VPS53: variants seen among roughly 807,000 people sequenced by gnomAD.
VPS53 encodes the protein VPS53 subunit of GARP complex.
In VPS53, 70 loss-of-function variants were observed where a neutral mutation model predicts 107.0. The observed-to-expected ratio is 0.65, with a 90% CI of 0.54 to 0.80. The LOEUF is 0.80. Ranked by LOEUF, VPS53 falls within the 30% of genes least tolerant of loss-of-function variation. VPS53 has a pLI of 0.00. For synonymous variants in VPS53, 409 were observed against 393.3 expected, an observed-to-expected ratio of 1.04 and a Z score of -0.47; for missense variants, 917 against 1,049.4, an observed-to-expected ratio of 0.87 and a Z score of 1.74.
At chr17:701,876 A>G (rs889055231) in intron 2 of VPS53, among the ~76,000 whole-genome samples, 2 of 152,070 alleles carry the variant, frequency 1.3e-5, no homozygotes, top group African/African-American at 4.8e-5. Flanking sequence ...AAAAAGGTAC[A>G]TGCACTGAGC....
At chr17:555,824 T>C (rs995904847) in intron 15 of VPS53, among the ~76,000 whole-genome samples, 4 of 152,164 alleles carry the variant, frequency 2.6e-5, no homozygotes, top group Non-Finnish European at 2.9e-5. Context: ...TAACTACCAA[T>C]TTATGGGAAA....
At chr17:588,127 C>T (rs448736) in intron 12 of VPS53, among the ~76,000 whole-genome samples, 7 of 152,096 alleles carry the variant, frequency 4.6e-5, no homozygotes, top group Non-Finnish European at 1.5e-5. Flanking sequence ...ACCAGCATGG[C>T]CAATATGGTG....
chr17:519,445 A>G lies in VPS53; in HGVS notation c.2329-147T>C, dbSNP rs1375311409. 2 of 818,688 alleles carry G rather than the reference A, an allele frequency of 2.4e-6. No individual in the cohort carries two copies. Among genetic ancestry groups the G allele is most frequent in the Non-Finnish European group, 3.6e-6 (2 of 552,386 alleles). 50.7% of individuals were successfully genotyped at this position (818,688 alleles called of 1,614,324 possible). On this transcript the variant is annotated intron_variant, in intron 21 of 21. Transcript: ENST00000437048. The surrounding 1 kb of genome is among the most constrained non-coding windows in gnomAD (Gnocchi z 5.0). ...TGAGGATGAACCGTTTCCTCAAGGG[A>G]CTCACCATCCCCTGGGTAGTAGCGT...
intron 12 of VPS53, among the ~76,000 whole-genome samples, chr17:598,477 A>G: frequency 6.6e-6 from 1 of 151,184 alleles, no homozygotes; most frequent in Admixed American, 6.6e-5. Context: ...GAAAGTGAGG[A>G]GCGTCTCCGC....
chr17:662,799 A>AAGAAAGAAAGAAAG (rs1555575878), intron 4 of VPS53, among the ~76,000 whole-genome samples: 1 of 140,664 alleles, frequency 7.1e-6, no homozygotes, highest in Non-Finnish European at 1.5e-5. Context: ...AAGAAAGAGA[A>AAGAAAGAAAGAAAG]AGAAAGAAAA....
chr17:713,990 A>G (rs1973744844), intron 1 of VPS53, among the ~76,000 whole-genome samples: 1 of 148,570 alleles, frequency 6.7e-6, no homozygotes, highest in Non-Finnish European at 1.5e-5. Context: ...GGTCGCAGTG[A>G]GCCGAGATCG....
rs142493105 is a variant in VPS53, at chr17:509,586, C to T, written c.*9542G>A. 503 of 162,126 alleles carry T rather than the reference C, an allele frequency of 3.1e-3. 2 individuals carry two copies. Among genetic ancestry groups the T allele is most frequent in the African/African-American group, 0.012 (466 of 39,400 alleles). 10.0% of individuals were successfully genotyped at this position (162,126 alleles called of 1,614,324 possible). ...GGCTCACTCCTCACTACTCACATAT[C>T]GAATCCTGGCTCACCCCTCACTAGT... On this transcript the variant is annotated 3_prime_UTR_variant, in exon 22 of 22. Transcript: ENST00000437048.
intron 12 of VPS53, 46 bp from the exon 13 acceptor site, chr17:586,410 C>A (rs932887100): frequency 6.4e-7 from 1 of 1,565,982 alleles, no homozygotes; most frequent in South Asian, 1.1e-5. Flanking sequence ...GTGATCTTTG[C>A]AAATGTTCAA....
At chr17:656,894 C>T (rs892899254) in intron 5 of VPS53, 28 of 1,535,226 alleles carry the variant, frequency 1.8e-5, no homozygotes, top group Non-Finnish European at 2.5e-5. Flanking sequence ...TCGTTTGTTG[C>T]CCTTGCCAAT....
At chr17:529,398 T>TCACACA (rs3084065) in intron 19 of VPS53, among the ~76,000 whole-genome samples, 10,516 of 150,252 alleles carry the variant, frequency 0.07, 448 homozygotes, top group Admixed American at 0.12. Context: ...ACACACACAC[T>TCACACA]CACACACACA....
intron 13 of VPS53, among the ~76,000 whole-genome samples, chr17:583,077 T>C (rs143435612): frequency 4.4e-4 from 61 of 139,410 alleles, no homozygotes; most frequent in African/African-American, 1.4e-3. Context: ...CCCACAGAAC[T>C]TCCCTCACAA....
intron 7 of VPS53, among the ~76,000 whole-genome samples, chr17:648,934 G>A (rs1398824790): frequency 2.4e-5 from 3 of 125,056 alleles, no homozygotes; most frequent in Non-Finnish European, 5.1e-5. Context: ...AACAGGCACT[G>A]AAGATCTTAC....
chr17:690,352 A>G (rs1597491342), intron 4 of VPS53, among the ~76,000 whole-genome samples: 1 of 152,326 alleles, frequency 6.6e-6, no homozygotes, highest in East Asian at 1.9e-4. Flanking sequence ...TGGCCCACAG[A>G]TGTGTTTTGT....
chr17:625,399 C>CTG (rs1969657198), intron 10 of VPS53, among the ~76,000 whole-genome samples: 1 of 151,002 alleles, frequency 6.6e-6, no homozygotes, highest in Non-Finnish European at 1.5e-5. Flanking sequence ...GAGTTCAAGG[C>CTG]TGGGGTACGC....
At chr17:691,355 T>C (rs555338142) in intron 4 of VPS53, among the ~76,000 whole-genome samples, 21 of 152,316 alleles carry the variant, frequency 1.4e-4, no homozygotes, top group African/African-American at 4.6e-4. Context: ...GTCTGTCCTG[T>C]GGACCAACAA....
intron 4 of VPS53, chr17:675,245 TG>T (rs1972105163): frequency 6.6e-6 from 1 of 152,088 alleles, no homozygotes; most frequent in Admixed American, 6.5e-5. Context: ...AAGTCTTCAA[TG>T]AAAAAAAAGT....
At chr17:558,543 A>C (rs891006235) in intron 15 of VPS53, among the ~76,000 whole-genome samples, 7 of 152,280 alleles carry the variant, frequency 4.6e-5, no homozygotes, top group African/African-American at 1.7e-4. Context: ...CTGAGGCAGG[A>C]GAATGGCGAG....
intron 18 of VPS53, among the ~76,000 whole-genome samples, chr17:535,496 A>C (rs944849384): frequency 1.3e-5 from 2 of 151,500 alleles, no homozygotes; most frequent in African/African-American, 4.9e-5. Context: ...CTCCTCCTTC[A>C]CTTTAATGTA....
chr17:659,434 C>G (rs573371501), intron 5 of VPS53, among the ~76,000 whole-genome samples: 1 of 152,178 alleles, frequency 6.6e-6, no homozygotes, highest in Non-Finnish European at 1.5e-5. Flanking sequence ...GTGTGCTCCA[C>G]GACGCCTGGT....
Sources: gnomAD v4.1 joint callset for allele counts (sites outside exome capture counted in the v4.1 genomes callset) on GRCh38, gnomAD v4.1.1 for gene constraint, Gnocchi (gnomAD v3.1) non-coding constraint, MANE v1.5 for transcripts, NCBI Gene and HGNC (gene_info 2026-07-23, HGNC 2026-07-21) for gene names.